Variants in BACH1 observed in about 807,000 individuals in gnomAD.
BACH1 encodes the protein BTB domain and CNC homolog 1, also known as transcription regulator protein BACH1.
A neutral mutation model predicts 52.9 loss-of-function variants in BACH1; 35 were observed. The ratio of observed to expected loss-of-function variants is 0.66; its 90% CI spans 0.51 to 0.88. The LOEUF (loss-of-function observed/expected upper bound fraction) is 0.88, where lower values mean the gene tolerates loss of function less well. Among genes scored for constraint, BACH1 ranks in the 40% least tolerant of loss-of-function variants. The pLI, the probability that BACH1 is intolerant of heterozygous loss-of-function variation, is 0.00. For synonymous variants in BACH1, 321 were observed against 319.6 expected, an observed-to-expected ratio of 1.00 and a Z score of -0.05; for missense variants, 808 against 872.6, an observed-to-expected ratio of 0.93 and a Z score of 0.93.
chr21:29,315,142 T>C (rs1201240832), intron 1 of BACH1, among the ~76,000 whole-genome samples: 1 of 152,176 alleles, frequency 6.6e-6, no homozygotes, highest in African/African-American at 2.4e-5. Context: ...ATAAAGGCCC[T>C]TAAAGGAGAG....
At chr21:29,336,414 T>G (rs1354914926) in intron 4 of BACH1, among the ~76,000 whole-genome samples, 1 of 152,184 alleles carries the variant, frequency 6.6e-6, no homozygotes, top group Non-Finnish European at 1.5e-5. Context: ...AGCTGGGAAG[T>G]GCCAGATTGC....
At chr21:29,309,536 C>A (rs1050375942) in intron 1 of BACH1, among the ~76,000 whole-genome samples, 1 of 152,154 alleles carries the variant, frequency 6.6e-6, no homozygotes, top group African/African-American at 2.4e-5. Flanking sequence ...CCTTCTCAAG[C>A]CTTTAGTTTC....
chr21:29,308,751 AT>A (rs1392924821), intron 1 of BACH1, among the ~76,000 whole-genome samples: 2 of 152,210 alleles, frequency 1.3e-5, no homozygotes, highest in Non-Finnish European at 2.9e-5. Context: ...AAGAATCTTT[AT>A]TTCATTATGA....
chr21:29,347,446 A>G (rs2089176217), downstream of BACH1, among the ~76,000 whole-genome samples: 1 of 152,236 alleles, frequency 6.6e-6, no homozygotes, highest in Non-Finnish European at 1.5e-5. Context: ...AGGACAAAGT[A>G]CAAAGTGGAA....
intron 1 of BACH1, among the ~76,000 whole-genome samples, chr21:29,320,361 C>A (rs958446936): frequency 6.6e-6 from 1 of 152,076 alleles, no homozygotes; most frequent in Non-Finnish European, 1.5e-5. Context: ...ACATATATAT[C>A]AGAATAGTAG....
intron 1 of BACH1, among the ~76,000 whole-genome samples, chr21:29,313,120 T>A (rs1207342252): frequency 2.6e-5 from 4 of 152,154 alleles, no homozygotes; most frequent in African/African-American, 9.7e-5. Context: ...CCTTTTGGCT[T>A]CCTTGGGCTG....
intron 1 of BACH1, among the ~76,000 whole-genome samples, chr21:29,312,419 G>A (rs1456081903): frequency 6.6e-6 from 1 of 152,046 alleles, no homozygotes; most frequent in Non-Finnish European, 1.5e-5. Flanking sequence ...CTCACTATTC[G>A]GTCATTGCAA....
chr21:29,346,277 C>T (rs1210522787), downstream of BACH1: 1 of 148,868 alleles, frequency 6.7e-6, no homozygotes, highest in Non-Finnish European at 1.5e-5. Context: ...AATCATGCCT[C>T]AAAAAAAAAA....
At chr21:29,350,404 CAA>C (rs2089195866), downstream of BACH1, among the ~76,000 whole-genome samples, 1 of 152,170 alleles carries the variant, frequency 6.6e-6, no homozygotes, top group East Asian at 1.9e-4. Flanking sequence ...GAAACCAAAA[CAA>C]AACCTCAGTT....
chr21:29,314,397 TCA>T (rs1423699644), intron 1 of BACH1, among the ~76,000 whole-genome samples: 2 of 152,210 alleles, frequency 1.3e-5, no homozygotes, highest in African/African-American at 4.8e-5. Context: ...CCCTAACAGT[TCA>T]CAGTCTTCTC....
At chr21:29,355,316 G>T (rs1000143597) in intron 2 of BACH1, among the ~76,000 whole-genome samples, 5 of 152,110 alleles carry the variant, frequency 3.3e-5, no homozygotes, top group African/African-American at 1.2e-4. Context: ...AGCGCTGATT[G>T]GTGCGTTTTT....
At position 29,329,709 on chromosome 21, in the gene BACH1, T is replaced by C; in HGVS notation, c.1776+16T>C. On this transcript the variant is annotated intron_variant, in intron 4 of 4. Coordinates refer to ENST00000286800, the MANE Select transcript of BACH1 (RefSeq NM_001186.4). ...TGAGAAGCTGGTAAGTGTAAAAGTT[T>C]CTTGTTACTATTTAAATTCCACCAC... The C allele has an allele frequency of 7.4e-6, 11 of 1,478,584 alleles. No individual in the cohort carries two copies. The highest frequency in any genetic ancestry group is 9.9e-6 in the Non-Finnish European group (11 of 1,109,456). 91.6% of individuals were successfully genotyped at this position (1,478,584 alleles called of 1,614,324 possible).
chr21:29,341,906 C>A (rs1340030551), intron 4 of BACH1, among the ~76,000 whole-genome samples: 3 of 152,160 alleles, frequency 2.0e-5, no homozygotes, highest in Admixed American at 1.3e-4. Context: ...GCTAACTGTA[C>A]TTTTACTTTT....
At chr21:29,328,202 C>T (rs2088937659) in intron 3 of BACH1, among the ~76,000 whole-genome samples, 1 of 152,064 alleles carries the variant, frequency 6.6e-6, no homozygotes. Flanking sequence ...TTAAATTTTC[C>T]TTTGGCCATT....
chr21:29,313,840 A>AG (rs1339370822), intron 1 of BACH1, among the ~76,000 whole-genome samples: 1 of 152,150 alleles, frequency 6.6e-6, no homozygotes, highest in African/African-American at 2.4e-5. Flanking sequence ...CCTTGGAGGA[A>AG]GGGGCGTGTG....
At chr21:29,319,320 T>G (rs1160325500) in intron 1 of BACH1, among the ~76,000 whole-genome samples, 3 of 152,036 alleles carry the variant, frequency 2.0e-5, no homozygotes, top group Non-Finnish European at 2.9e-5. Context: ...GAGAAGGTAT[T>G]GGATCCCAGA....
chr21:29,312,825 G>T (rs1429912683), intron 1 of BACH1, among the ~76,000 whole-genome samples: 1 of 152,084 alleles, frequency 6.6e-6, no homozygotes, highest in African/African-American at 2.4e-5. Flanking sequence ...TTAGATGTTG[G>T]TTCTCCCCAA....
Position 29,342,752 on chromosome 21 carries a change from G to A in BACH1, c.2130G>A (p.Gly710=), listed in dbSNP as rs2089129788. The A allele has an allele frequency of 6.2e-7, 1 of 1,614,166 alleles. No individual in the cohort carries two copies. The highest frequency in any genetic ancestry group is 8.5e-7 in the Non-Finnish European group (1 of 1,180,022). The change falls in exon 5 of 5, where the codon GGG becomes GGA. Residue 710 remains glycine, a synonymous_variant. Transcript: ENST00000286800. The part of the protein sequence containing the change: ...QMSTATSEQA[G]PAEQCRQSGG... ...CCACAGCCACCTCTGAGCAAGCTGG[G>A]CCTGCGGAACAGTGTCGTCAGAGTG...
chr21:29,327,483 T>G (rs775873520), intron 3 of BACH1, 90 bp downstream of exon 3: 21 of 1,495,514 alleles, frequency 1.4e-5, no homozygotes, highest in Non-Finnish European at 1.9e-5. Context: ...ATTAGGGATA[T>G]AATCAGGTTC....
Sources: gnomAD v4.1 joint callset for allele counts (sites outside exome capture counted in the v4.1 genomes callset) on GRCh38, gnomAD v4.1.1 for gene constraint, MANE v1.5 for transcripts, NCBI Gene and HGNC (gene_info 2026-07-23, HGNC 2026-07-21) for gene names.